The following SMAD2 variants were observed in gnomAD, a reference collection of about 807,000 sequenced individuals.
SMAD2 encodes MAD homolog 2.
In SMAD2, 8 loss-of-function variants were observed where a neutral mutation model predicts 64.4. The ratio of observed to expected loss-of-function variants is 0.12; its 90% CI spans 0.07 to 0.22. The LOEUF is 0.22. SMAD2 is among the 10% of genes least tolerant of loss of function. The pLI is 1.00. For synonymous variants in SMAD2, 203 were observed against 195.8 expected, an observed-to-expected ratio of 1.04 and a Z score of -0.31; for missense variants, 289 against 561.2, an observed-to-expected ratio of 0.51 and a Z score of 4.90.
chr18:47,824,094 G>A lies in SMAD2; in HGVS notation c.*17733C>T, dbSNP rs905808064. 1.7e-4 allele frequency: 26 copies of A among 152,160 alleles called. No homozygotes were observed. Among genetic ancestry groups the A allele is most frequent in the African/African-American group, 6.0e-4 (25 of 41,444 alleles). 9.4% of individuals were successfully genotyped at this position (152,160 alleles called of 1,614,324 possible). On this transcript the variant is annotated 3_prime_UTR_variant, in exon 11 of 11. Transcript: ENST00000262160. ...GGATGCAGGACCAGACCAATAACCCGGGAAAGGTCTATTCTGTCACCAAGG... is the reference window on the plus strand; with the variant it reads ...GGATGCAGGACCAGACCAATAACCCAGGAAAGGTCTATTCTGTCACCAAGG...
intron 2 of SMAD2, among the ~76,000 whole-genome samples, chr18:47,883,379 AATTG>A (rs1324010859): frequency 6.6e-6 from 1 of 152,210 alleles, no homozygotes; most frequent in African/African-American, 2.4e-5. Context: ...AATCTTTTAA[AATTG>A]ATTGAGACTT....
chr18:47,831,460 G>A lies in SMAD2; in HGVS notation c.*10367C>T, dbSNP rs927881811. Reference sequence around the variant, plus strand: ...CACATCTCTTTCCTAAACTACTTTAGAACTTAAATAATTTTATTTTCACAT... The same window carrying A: ...CACATCTCTTTCCTAAACTACTTTAAAACTTAAATAATTTTATTTTCACAT... On this transcript the variant is annotated 3_prime_UTR_variant, in exon 11 of 11. Transcript: ENST00000262160. 6.6e-6 allele frequency: 1 copy of A among 152,202 alleles called. No homozygotes were observed. Among genetic ancestry groups the A allele is most frequent in the African/African-American group, 2.4e-5 (1 of 41,462 alleles). The allele number at this position is 152,202 out of a possible 1,614,324, so 9.4% of individuals were successfully genotyped here. A position where few individuals can be genotyped will look rare whatever the true frequency, so the allele number is the denominator to read the frequency against.
At chr18:47,916,593 T>C (rs578108006) in intron 1 of SMAD2, among the ~76,000 whole-genome samples, 4 of 152,194 alleles carry the variant, frequency 2.6e-5, no homozygotes, top group South Asian at 2.1e-4. Flanking sequence ...TTGATAGAGA[T>C]AGGGCTTCAC....
chr18:47,885,198 C>G (rs371307379), intron 2 of SMAD2, among the ~76,000 whole-genome samples: 5 of 151,484 alleles, frequency 3.3e-5, no homozygotes, highest in South Asian at 2.1e-4. Flanking sequence ...CCCTCCCCCC[C>G]CAAGACAGTC....
At chr18:47,853,069 T>C (rs1185098821) in intron 6 of SMAD2, among the ~76,000 whole-genome samples, 1 of 152,106 alleles carries the variant, frequency 6.6e-6, no homozygotes, top group Non-Finnish European at 1.5e-5. Context: ...TGGTGGCTCA[T>C]GCCTGTAATC....
chr18:47,903,029 G>C (rs547119877), intron 1 of SMAD2, among the ~76,000 whole-genome samples: 2 of 152,234 alleles, frequency 1.3e-5, no homozygotes, highest in South Asian at 4.1e-4. Context: ...TTGGGGAACA[G>C]GACTGGAAAG....
chr18:47,864,021 C>T (rs750734882), intron 6 of SMAD2, among the ~76,000 whole-genome samples: 7 of 152,032 alleles, frequency 4.6e-5, no homozygotes, highest in African/African-American at 7.2e-5. Context: ...TATCTTTTCC[C>T]ATCATTCACT....
At chr18:47,877,509 C>T (rs994261037) in intron 2 of SMAD2, among the ~76,000 whole-genome samples, 1 of 151,948 alleles carries the variant, frequency 6.6e-6, no homozygotes, top group African/African-American at 2.4e-5. Context: ...CTATGTGTGG[C>T]TGTATATTTT....
chr18:47,871,061 T>C (rs2031903267), intron 2 of SMAD2, among the ~76,000 whole-genome samples: 1 of 152,238 alleles, frequency 6.6e-6, no homozygotes, highest in Non-Finnish European at 1.5e-5. Context: ...AATTATTTTG[T>C]TCTCATCTCT....
At chr18:47,867,144 TATC>T (rs1464166208) in intron 5 of SMAD2, 1 of 152,182 alleles carries the variant, frequency 6.6e-6, no homozygotes, top group Non-Finnish European at 1.5e-5. Flanking sequence ...CTCCTAGTGT[TATC>T]ATACTACATC....
Position 47,930,537 on chromosome 18 carries a change from CG to C in SMAD2, c.-231del, listed in dbSNP as rs2034966541. 1.4e-5 allele frequency: 2 copies of C among 145,014 alleles called. No homozygotes were observed. Among genetic ancestry groups the C allele is most frequent in the South Asian group, 4.5e-4 (2 of 4,474 alleles). The allele number at this position is 145,014 out of a possible 1,614,324, so 9.0% of individuals were successfully genotyped here. On this transcript the variant is annotated 5_prime_UTR_variant, in exon 1 of 11. Coordinates refer to ENST00000262160, the MANE Select transcript of SMAD2 (RefSeq NM_005901.6). ...CCCGCCCCGCCCCCAGGCCCGGGCC[CG>C]GCCGGCGGCCCGGGCGCGCGGGAGG... is the stretch of plus-strand genomic sequence containing the variant.
In SMAD2 at chr18:47,814,868, T is replaced by C. The variant is rs1430595525; in HGVS notation, c.*26959A>G. On this transcript the variant is annotated 3_prime_UTR_variant, in exon 11 of 11. Transcript: ENST00000262160. ...AAAGCCCAGCAGATTAACAGTCCCA[T>C]AGTTGGGACATGGAAGCTATTAAGG... 1 of 152,240 alleles carries C rather than the reference T, an allele frequency of 6.6e-6. No individual in the cohort carries two copies. Among genetic ancestry groups the C allele is most frequent in the East Asian group, 1.9e-4 (1 of 5,196 alleles). 9.4% of individuals were successfully genotyped at this position (152,240 alleles called of 1,614,324 possible). A position where few individuals can be genotyped will look rare whatever the true frequency, so the allele number is the denominator to read the frequency against.
chr18:47,842,344 A>G (rs1914041738), intron 10 of SMAD2, among the ~76,000 whole-genome samples: 1 of 152,164 alleles, frequency 6.6e-6, no homozygotes, highest in Non-Finnish European at 1.5e-5. Context: ...GATTGAGACC[A>G]TCCTGGCCAA....
At position 47,817,388 on chromosome 18, in the gene SMAD2, CAA is replaced by C. The variant is rs1194086268; in HGVS notation, c.*24437_*24438del. 6.6e-6 allele frequency: 1 copy of C among 152,302 alleles called. No homozygotes were observed. Among genetic ancestry groups the C allele is most frequent in the South Asian group, 2.1e-4 (1 of 4,818 alleles). 9.4% of individuals were successfully genotyped at this position (152,302 alleles called of 1,614,324 possible). On this transcript the variant is annotated 3_prime_UTR_variant, in exon 11 of 11. Coordinates refer to ENST00000262160, the MANE Select transcript of SMAD2 (RefSeq NM_005901.6). Reference sequence around the variant, plus strand: ...GGACTTTACATCCCTCCTGGGATGACAAAAGACTTTTTGTCTTTCCTGGCAAG... The same window carrying C: ...GGACTTTACATCCCTCCTGGGATGACAAGACTTTTTGTCTTTCCTGGCAAG...
intron 1 of SMAD2, chr18:47,923,730 C>T (rs1479246692): frequency 6.6e-6 from 1 of 152,168 alleles, no homozygotes; most frequent in Non-Finnish European, 1.5e-5. Context: ...CTCCTTTTAT[C>T]TGTTTTACAT....
rs937151217 is a variant in SMAD2 at position 47,836,313 on chromosome 18, C to A, written c.*5514G>T. 1 of 223,554 alleles carries A rather than the reference C, an allele frequency of 4.5e-6. No homozygotes were observed. The highest frequency in any genetic ancestry group is 2.2e-5 in the African/African-American group (1 of 44,786). 13.8% of individuals were successfully genotyped at this position (223,554 alleles called of 1,614,324 possible). A position where few individuals can be genotyped will look rare whatever the true frequency, so the allele number is the denominator to read the frequency against. On this transcript the variant is annotated 3_prime_UTR_variant, in exon 11 of 11. Transcript: ENST00000262160. ...CAACAAAGTTAACCCTAAGTTAGTACATCCCAGAATCTGCTGGATGTATAA... is the reference window on the plus strand; with the variant it reads ...CAACAAAGTTAACCCTAAGTTAGTAAATCCCAGAATCTGCTGGATGTATAA...
intron 10 of SMAD2, among the ~76,000 whole-genome samples, chr18:47,843,085 C>T (rs1914129456): frequency 6.6e-6 from 1 of 152,146 alleles, no homozygotes; most frequent in Admixed American, 6.6e-5. Context: ...CCCCACTGTA[C>T]CCTTTGGATT....
chr18:47,896,594 T>C lies in SMAD2; in HGVS notation c.163A>G (p.Thr55Ala). 6.2e-7 allele frequency: 1 copy of C among 1,614,198 alleles called. No individual in the cohort carries two copies. The highest frequency in any genetic ancestry group is 8.5e-7 in the Non-Finnish European group (1 of 1,180,026). The change falls in exon 2 of 11, where the codon ACA (threonine) becomes GCA (alanine). Residue 55 changes from threonine to alanine, a missense_variant. Physicochemically the swap from Thr to Ala is moderately conservative, Grantham distance 58. This residue lies in a region of SMAD2 where 89 missense variants were observed against 137.1 expected (regional missense o/e 0.65). Transcript: ENST00000262160. ...VKSLVKKLKKTGRLDELEKAI... is the reference protein window; with the variant it reads ...VKSLVKKLKKAGRLDELEKAI... Reference sequence around the variant, plus strand: ...TTCTCAAGCTCATCTAATCGTCCTGTTTTCTTTAGCTTCTTCACCAGACTT... The same window carrying C: ...TTCTCAAGCTCATCTAATCGTCCTGCTTTCTTTAGCTTCTTCACCAGACTT...
chr18:47,885,834 C>T (rs1169563117), intron 2 of SMAD2, among the ~76,000 whole-genome samples: 1 of 152,020 alleles, frequency 6.6e-6, no homozygotes, highest in Non-Finnish European at 1.5e-5. Context: ...TGGTGGCACA[C>T]AATTGTAATC....
Sources: gnomAD v4.1 joint callset for allele counts (sites outside exome capture counted in the v4.1 genomes callset) on GRCh38, gnomAD v4.1.1 for gene constraint, gnomAD v4.1.1 regional missense constraint, MANE v1.5 for transcripts, NCBI Gene and HGNC (gene_info 2026-07-23, HGNC 2026-07-21) for gene names.